XKRX: variants seen among roughly 807,000 people sequenced by gnomAD.
The protein encoded by XKRX is XK related X-linked, also known as XK-related protein 2.
XKRX carries 11 observed loss-of-function variants against 22.4 expected under a neutral mutation model. The ratio of observed to expected loss-of-function variants is 0.49; its 90% CI spans 0.31 to 0.81. The LOEUF is 0.81. Ranked by LOEUF, XKRX falls within the 40% of genes least tolerant of loss-of-function variation. The probability of loss-of-function intolerance (pLI) is 0.05; values close to 1 mark genes in which losing one functional copy is unlikely to be tolerated. For synonymous variants in XKRX, 114 were observed against 132.2 expected (o/e 0.86, Z 0.94); for missense variants, 320 against 336.5 (o/e 0.95, Z 0.38).
chrX:100,959,135 G>A, the XKRX span, among the ~76,000 whole-genome samples: 9 of 111,138 alleles, frequency 8.1e-5, no homozygotes, highest in African/African-American at 2.6e-4. Context: ...GTGAGATAAC[G>A]TAATTATTTG....
At chrX:100,922,170 A>T (rs2085476593) in intron 2 of XKRX, among the ~76,000 whole-genome samples, 1 of 111,027 alleles carries the variant, frequency 9.0e-6, no homozygotes, top group Non-Finnish European at 1.9e-5. Flanking sequence ...CATTAGCAGA[A>T]ATGATTAAAT....
the XKRX span, among the ~76,000 whole-genome samples, chrX:100,950,149 C>T: frequency 1.8e-5 from 2 of 111,195 alleles, no homozygotes; most frequent in Non-Finnish European, 3.8e-5. Context: ...ACAGAACATT[C>T]GTATCACTGG....
the XKRX span, chrX:100,957,070 G>C: frequency 8.8e-7 from 1 of 1,141,121 alleles, no homozygotes; most frequent in Non-Finnish European, 1.2e-6. Flanking sequence ...GCTGAGCCTG[G>C]TAAGAAGGTG....
At chrX:100,941,826 T>C in the XKRX span, among the ~76,000 whole-genome samples, 39 of 112,053 alleles carry the variant, frequency 3.5e-4, no homozygotes, top group African/African-American at 1.2e-3. Flanking sequence ...CTGATTCCCA[T>C]TTCCAGTAAA....
intron 2 of XKRX, among the ~76,000 whole-genome samples, chrX:100,919,361 T>C (rs1266532149): frequency 8.9e-6 from 1 of 111,939 alleles, no homozygotes; most frequent in Non-Finnish European, 1.9e-5. Context: ...TACATAAAAA[T>C]GTAATACTTC....
At chrX:100,941,177 C>T in the XKRX span, among the ~76,000 whole-genome samples, 74 of 112,077 alleles carry the variant, frequency 6.6e-4, no homozygotes, top group African/African-American at 2.3e-3. Flanking sequence ...TTTTTCAGGG[C>T]AGCTAGAGCT....
rs1005651191 is a variant in XKRX at position 100,914,238 on chromosome X, G to A, written c.*100C>T. 7 of 963,527 alleles carry A rather than the reference G, an allele frequency of 7.3e-6. No homozygotes were observed. Among genetic ancestry groups the A allele is most frequent in the African/African-American group, 2.0e-5 (1 of 50,802 alleles). The allele number at this position is 963,527 out of a possible 1,213,427, so 79.4% of individuals were successfully genotyped here. ...GGCTTAACAGAAAAGTCAAGAAAATGTACTGATGGGTATCTCACCCATGAA... is the reference window on the plus strand; with the variant it reads ...GGCTTAACAGAAAAGTCAAGAAAATATACTGATGGGTATCTCACCCATGAA... On this transcript the variant is annotated 3_prime_UTR_variant, in exon 3 of 3. Transcript: ENST00000372956.
chrX:100,932,390 G>A (rs1037985149), upstream of XKRX, among the ~76,000 whole-genome samples: 1 of 111,540 alleles, frequency 9.0e-6, no homozygotes, highest in Non-Finnish European at 1.9e-5. Context: ...GTCATCTGAG[G>A]TGACACCTAG....
upstream of XKRX, among the ~76,000 whole-genome samples, chrX:100,933,254 G>A (rs920857293): frequency 5.4e-5 from 6 of 110,625 alleles, no homozygotes; most frequent in Non-Finnish European, 7.6e-5. Context: ...GGCCGAGGTG[G>A]GTAGATCACC....
downstream of XKRX, chrX:100,913,411 CACACACAT>C (rs1200618295): frequency 3.2e-4 from 35 of 109,430 alleles, no homozygotes; most frequent in African/African-American, 1.2e-3. Context: ...CACACACACA[CACACACAT>C]TAATGAAATA....
the XKRX span, among the ~76,000 whole-genome samples, chrX:100,890,327 TTC>T: frequency 9.0e-6 from 1 of 110,910 alleles, no homozygotes; most frequent in Non-Finnish European, 1.9e-5. Flanking sequence ...TCAGACTGAA[TTC>T]TATGACACAT....
the XKRX span, chrX:100,957,310 T>C: frequency 9.5e-7 from 1 of 1,056,260 alleles, no homozygotes; most frequent in Non-Finnish European, 1.3e-6. Context: ...CAAAAATACT[T>C]ACATGGTGAC....
chrX:100,898,597 C>CA, the XKRX span, among the ~76,000 whole-genome samples: 3,569 of 96,343 alleles, frequency 0.037, 75 homozygotes, highest in Non-Finnish European at 0.059. Context: ...ACAACAACAA[C>CA]AAAAAAAAAA....
rs181004023 is a variant in XKRX at position 100,925,586 on chromosome X, G to A, written c.335+2384C>T. Among the ~76,000 whole-genome samples the A allele has an allele frequency of 3.5e-4, 39 of 111,969 alleles. No individual in the cohort carries two copies. The Admixed American group carries it at 3.7e-3, about 11-fold the overall frequency. On this transcript the variant is annotated intron_variant, in intron 1 of 2. Coordinates refer to ENST00000372956, the MANE Select transcript of XKRX (RefSeq NM_212559.3). ...CAAACAAAGGAAGTCAAAAAGAGGG[G>A]AGGGTGCAGCTGGGTACTTTCTGAA... is the stretch of plus-strand genomic sequence containing the variant.
At chrX:100,957,578 G>A in the XKRX span, 1 of 840,662 alleles carries the variant, frequency 1.2e-6, no homozygotes. Context: ...CCGCAAACCA[G>A]CACTATTTAT....
upstream of XKRX, among the ~76,000 whole-genome samples, chrX:100,933,469 GATT>G (rs2085527051): frequency 1.1e-5 from 1 of 88,659 alleles, no homozygotes; most frequent in African/African-American, 4.4e-5. Context: ...GTGATGGTGA[GATT>G]CCGTCTAAAA....
intron 2 of XKRX, among the ~76,000 whole-genome samples, chrX:100,917,513 AAGAAAGGGAGAAAGAG>A (rs776906795): frequency 4.9e-5 from 5 of 102,826 alleles, no homozygotes; most frequent in Non-Finnish European, 7.9e-5. Flanking sequence ...GAAGGGAAGA[AAGAAAGGGAGAAAGAG>A]AGAAAGGGAG....
At chrX:100,955,681 A>AT in the XKRX span, among the ~76,000 whole-genome samples, 21 of 111,481 alleles carry the variant, frequency 1.9e-4, no homozygotes, top group Non-Finnish European at 3.6e-4. Flanking sequence ...TCAAAAATAA[A>AT]TAAATAAAGA....
rs10600680 is a variant in XKRX, at chrX:100,924,005, G to GTTTT, written c.336-948_336-945dup. On this transcript the variant is annotated intron_variant, in intron 1 of 2. Transcript: ENST00000372956. ...GCATGTGCCACCATGTCCGGCTAAGGTTTTTTTTTTTTTTTTTTGTATTTT... is the reference window on the plus strand; with the variant it reads ...GCATGTGCCACCATGTCCGGCTAAGGTTTTTTTTTTTTTTTTTTTTTTGTATTTT... Among the ~76,000 whole-genome samples the GTTTT allele has an allele frequency of 6.3e-3, 484 of 77,105 alleles. 8 individuals carry two copies. The highest frequency in any genetic ancestry group is 0.023 in the African/African-American group (456 of 20,122). 67.0% of individuals were successfully genotyped at this position (77,105 alleles called of 115,157 possible). A position where few individuals can be genotyped will look rare whatever the true frequency, so the allele number is the denominator to read the frequency against.
Sources: gnomAD v4.1 joint callset for allele counts (sites outside exome capture counted in the v4.1 genomes callset) on GRCh38, gnomAD v4.1.1 for gene constraint, MANE v1.5 for transcripts, NCBI Gene and HGNC (gene_info 2026-07-23, HGNC 2026-07-21) for gene names.